ATG3: variants seen among roughly 807,000 people sequenced by gnomAD.
The protein encoded by ATG3 is ubiquitin-like-conjugating enzyme ATG3.
A neutral mutation model predicts 50.7 loss-of-function variants in ATG3; 25 were observed. The ratio of observed to expected loss-of-function variants is 0.49; its 90% CI spans 0.36 to 0.69. ATG3 has a LOEUF of 0.69. ATG3 is among the 30% of genes least tolerant of loss of function. ATG3 has a pLI of 0.00. For missense variants in ATG3, 281 were observed against 376.0 expected, an observed-to-expected ratio of 0.75 and a Z score of 2.09; for synonymous variants, 119 against 125.5, an observed-to-expected ratio of 0.95 and a Z score of 0.34.
In ATG3 at chr3:112,561,788, C is replaced by T; in HGVS notation, c.-260G>A. 2.1e-6 allele frequency: 1 copy of T among 478,306 alleles called. No homozygotes were observed. The highest frequency in any genetic ancestry group is 3.7e-6 in the Non-Finnish European group (1 of 271,108). The allele number at this position is 478,306 out of a possible 1,614,324, so 29.6% of individuals were successfully genotyped here. On this transcript the variant is annotated 5_prime_UTR_variant, in exon 1 of 12. Transcript: ENST00000283290. ...ACCGGACCCAGCTGTCACCCAGCCG[C>T]GAGGGAGGGCAGCGGGGCCGAAGGG...
In ATG3 at chr3:112,536,354, T is replaced by C. The variant is rs1187506951; in HGVS notation, c.794+121A>G. 3 of 1,219,102 alleles carry C rather than the reference T, an allele frequency of 2.5e-6. No individual in the cohort carries two copies. In the Admixed American group the frequency reaches 6.8e-5, roughly 28 times the overall value. The allele number at this position is 1,219,102 out of a possible 1,614,324, so 75.5% of individuals were successfully genotyped here. A position where few individuals can be genotyped will look rare whatever the true frequency, so the allele number is the denominator to read the frequency against. On this transcript the variant is annotated intron_variant, in intron 10 of 11. Transcript: ENST00000283290. The stretch of plus-strand genomic sequence containing the variant: ...AATTTCTAAGGAGGACAAGAGAGAA[T>C]TTTACTTTTTAGTAAGAAAATTTTT...
At chr3:112,546,605 T>C (rs1933376610) in intron 5 of ATG3, among the ~76,000 whole-genome samples, 1 of 142,436 alleles carries the variant, frequency 7.0e-6, no homozygotes, top group Middle Eastern at 3.2e-3. Flanking sequence ...CCATGACTAA[T>C]ACACAAGCTA....
At chr3:112,533,688 T>C (rs867716191) in intron 11 of ATG3, 1 of 985,410 alleles carries the variant, frequency 1.0e-6, no homozygotes, top group South Asian at 4.7e-5. Flanking sequence ...TATGAGTACA[T>C]GTACTTTAGG....
At chr3:112,534,358 A>AAC in intron 10 of ATG3, 21 bp from the exon 11 acceptor site, 1 of 1,545,348 alleles carries the variant, frequency 6.5e-7, no homozygotes, top group South Asian at 1.3e-5. Flanking sequence ...AAAAAAAAAA[A>AAC]AATTGTTAAT....
intron 5 of ATG3, among the ~76,000 whole-genome samples, chr3:112,547,597 T>C (rs996759805): frequency 2.0e-5 from 3 of 152,238 alleles, no homozygotes; most frequent in Non-Finnish European, 4.4e-5. Flanking sequence ...ATAAATATAG[T>C]GGCAAAACAG....
chr3:112,560,045 A>G (rs1483231307), intron 1 of ATG3, among the ~76,000 whole-genome samples: 1 of 152,210 alleles, frequency 6.6e-6, no homozygotes, highest in Non-Finnish European at 1.5e-5. Flanking sequence ...GACATATACC[A>G]TACATACTGA....
intron 5 of ATG3, among the ~76,000 whole-genome samples, chr3:112,547,805 C>T (rs946454412): frequency 2.0e-5 from 3 of 152,058 alleles, no homozygotes; most frequent in South Asian, 2.1e-4. Context: ...TTCTTTTAGT[C>T]GTTATTTAAC....
At chr3:112,539,175 TC>T (rs1933156913) in intron 7 of ATG3, among the ~76,000 whole-genome samples, 1 of 152,170 alleles carries the variant, frequency 6.6e-6, no homozygotes. Flanking sequence ...CTCCCTTCAG[TC>T]TATTCTCACC....
chr3:112,538,340 T>C, intron 7 of ATG3, 160 bp from the exon 8 acceptor site: 4 of 589,916 alleles, frequency 6.8e-6, no homozygotes, highest in Non-Finnish European at 1.2e-5. Context: ...GCTAATTCTA[T>C]ACTTCCAAAG....
rs1329352344 is a variant in ATG3 at position 112,552,935 on chromosome 3, C to T, written c.164+345G>A. On this transcript the variant is annotated intron_variant, in intron 3 of 11. Transcript: ENST00000283290. The stretch of plus-strand genomic sequence containing the variant: ...TGCTGGGATTACAGGTGTGAGCCAC[C>T]GCGCCCTGCCAAAAACCTGATCAAA... Among the ~76,000 whole-genome samples, 9 of 152,178 alleles carry T rather than the reference C, an allele frequency of 5.9e-5. No individual in the cohort carries two copies. In the South Asian group the frequency reaches 1.0e-3, roughly 18 times the overall value.
At chr3:112,553,149 C>A in intron 3 of ATG3, 131 bp downstream of exon 3, 1 of 739,258 alleles carries the variant, frequency 1.4e-6, no homozygotes, top group Admixed American at 2.4e-5. Flanking sequence ...CATTGTTTAA[C>A]AGAAGAATCT....
intron 2 of ATG3, among the ~76,000 whole-genome samples, chr3:112,556,303 C>T (rs1441050381): frequency 2.0e-5 from 3 of 151,564 alleles, no homozygotes; most frequent in Admixed American, 6.6e-5. Context: ...TCTGCCTGGC[C>T]GCCCCTACTG....
intron 11 of ATG3, chr3:112,534,025 A>G: frequency 8.2e-7 from 1 of 1,223,314 alleles, no homozygotes; most frequent in Non-Finnish European, 1.0e-6. Context: ...ATTCTAAATT[A>G]GTAGTTACCT....
chr3:112,551,471 C>T (rs1157875074), intron 3 of ATG3, among the ~76,000 whole-genome samples: 1 of 152,140 alleles, frequency 6.6e-6, no homozygotes, highest in African/African-American at 2.4e-5. Context: ...AGTGTGGACA[C>T]TGAAGTGGGG....
At chr3:112,557,859 A>G (rs1192514069) in intron 2 of ATG3, among the ~76,000 whole-genome samples, 3 of 152,244 alleles carry the variant, frequency 2.0e-5, no homozygotes, top group African/African-American at 4.8e-5. Flanking sequence ...TCTCTTATTA[A>G]GAACAACCTA....
chr3:112,560,980 G>C (rs545125378), intron 1 of ATG3, among the ~76,000 whole-genome samples: 11 of 152,198 alleles, frequency 7.2e-5, no homozygotes, highest in Middle Eastern at 3.4e-3. Context: ...TAAACGAGTT[G>C]GGATCGCAGT....
chr3:112,533,086 ACT>A (rs1241467039), intron 11 of ATG3: 18 of 1,013,876 alleles, frequency 1.8e-5, no homozygotes, highest in Non-Finnish European at 2.0e-5. Context: ...TACAAAATGT[ACT>A]CATTTACTAG....
chr3:112,544,181 A>G, intron 5 of ATG3, 75 bp from the exon 6 acceptor site: 2 of 1,205,462 alleles, frequency 1.7e-6, no homozygotes, highest in Non-Finnish European at 2.4e-6. Flanking sequence ...AAGCAATATA[A>G]AAATGCTGAA....
rs1356831815 is a variant in ATG3 at position 112,537,833 on chromosome 3, C to T, written c.568G>A (p.Gly190Ser). 3.1e-6 allele frequency: 5 copies of T among 1,612,494 alleles called. No individual in the cohort carries two copies. The highest frequency in any genetic ancestry group is 1.3e-5 in the African/African-American group (1 of 74,836). The change falls in exon 9 of 12, where the codon GGT (glycine) becomes AGT (serine). Residue 190 changes from glycine (G) to serine (S), a missense_variant. Coordinates refer to ENST00000283290, the MANE Select transcript of ATG3 (RefSeq NM_022488.5). ...EACKAKTDAG[G>S]EDAILQTRTY... ...CTGGTTTGCAAAATAGCATCTTCAC[C>T]GCCAGCATCAGTTTTGGCTTTACAA...
Sources: gnomAD v4.1 joint callset for allele counts (sites outside exome capture counted in the v4.1 genomes callset) on GRCh38, gnomAD v4.1.1 for gene constraint, MANE v1.5 for transcripts, NCBI Gene and HGNC (gene_info 2026-07-23, HGNC 2026-07-21) for gene names.